Variants in EML4 observed in about 807,000 individuals in gnomAD.
EML4 encodes the protein echinoderm microtubule-associated protein-like 4.
A neutral mutation model predicts 129.0 loss-of-function variants in EML4; 72 were observed. The observed-to-expected ratio is 0.56, with a 90% CI of 0.46 to 0.68. The LOEUF (loss-of-function observed/expected upper bound fraction) is 0.68. Among genes scored for constraint, EML4 ranks in the 30% least tolerant of loss-of-function variants. The pLI is 0.00. For synonymous variants in EML4, 532 were observed against 405.0 expected (o/e 1.31, Z -3.77); for missense variants, 1,363 against 1,190.6 (o/e 1.14, Z -2.13).
At chr2:42,218,247 T>G (rs1396275547) in intron 1 of EML4, among the ~76,000 whole-genome samples, 3 of 152,074 alleles carry the variant, frequency 2.0e-5, no homozygotes, top group African/African-American at 4.8e-5. Flanking sequence ...TCACTCCTTA[T>G]GAGAATCTAA....
At chr2:42,196,077 T>C (rs1224266037) in intron 1 of EML4, among the ~76,000 whole-genome samples, 1 of 152,342 alleles carries the variant, frequency 6.6e-6, no homozygotes, top group Admixed American at 6.5e-5. Context: ...ACTGAGAATT[T>C]TGGAATCAGA....
intron 1 of EML4, among the ~76,000 whole-genome samples, chr2:42,179,860 C>T (rs1268362292): frequency 1.3e-5 from 2 of 152,148 alleles, no homozygotes; most frequent in Non-Finnish European, 2.9e-5. Context: ...CCTAGCCTCC[C>T]AAAGTGCTGG....
chr2:42,199,533 A>T (rs138235487), intron 1 of EML4, among the ~76,000 whole-genome samples: 4 of 152,330 alleles, frequency 2.6e-5, no homozygotes, highest in African/African-American at 9.6e-5. Flanking sequence ...AGAAGACAGG[A>T]CAATGCTGTT....
intron 8 of EML4, 101 bp downstream of exon 8, chr2:42,283,073 C>G: frequency 1.8e-6 from 2 of 1,138,552 alleles, no homozygotes; most frequent in Non-Finnish European, 2.5e-6. Flanking sequence ...GTGGAAAGCT[C>G]AGAATGTAAA....
intron 19 of EML4, among the ~76,000 whole-genome samples, chr2:42,323,230 G>C (rs574242020): frequency 6.6e-6 from 1 of 152,080 alleles, no homozygotes; most frequent in Non-Finnish European, 1.5e-5. Context: ...TTTAATTTCA[G>C]AAGCATGGCT....
At chr2:42,171,638 G>T (rs1670286724) in intron 1 of EML4, among the ~76,000 whole-genome samples, 2 of 152,328 alleles carry the variant, frequency 1.3e-5, no homozygotes, top group South Asian at 4.1e-4. Flanking sequence ...CATGCTTTGG[G>T]TGGTATGTGA....
Position 42,169,591 on chromosome 2 carries a change from G to A in EML4, c.-21G>A. 6.3e-7 allele frequency: 1 copy of A among 1,599,658 alleles called. No individual in the cohort carries two copies. The highest frequency in any genetic ancestry group is 8.5e-7 in the Non-Finnish European group (1 of 1,174,944). ...AAGTGCCCGCCCCTCTAAGCCCGGA[G>A]CCCGGCGCTTTCCCCGCAAGATGGA... is the stretch of plus-strand genomic sequence containing the variant. On this transcript the variant is annotated 5_prime_UTR_variant, in exon 1 of 23. Coordinates refer to ENST00000318522, the MANE Select transcript of EML4 (RefSeq NM_019063.5).
rs545493088 is a variant in EML4 at position 42,199,132 on chromosome 2, G to A, written c.25+29496G>A. ...ATGAAGCTAAAGGGTGAAGTGTGATGGGGAATAGGAGTGAAAGAGACAAAG... is the reference window on the plus strand; with the variant it reads ...ATGAAGCTAAAGGGTGAAGTGTGATAGGGAATAGGAGTGAAAGAGACAAAG... On this transcript the variant is annotated intron_variant, in intron 1 of 22. Coordinates refer to ENST00000318522, the MANE Select transcript of EML4 (RefSeq NM_019063.5). Among the ~76,000 whole-genome samples, 18 of 152,284 alleles carry A rather than the reference G, an allele frequency of 1.2e-4. No homozygotes were observed. The South Asian group carries it at 2.7e-3, about 23-fold the overall frequency.
intron 8 of EML4, 43 bp downstream of exon 8, chr2:42,283,015 C>G: frequency 5.9e-6 from 9 of 1,516,794 alleles, no homozygotes; most frequent in Non-Finnish European, 7.1e-6. Context: ...TCTTTCAGGC[C>G]CTCATTTTGT....
intron 9 of EML4, among the ~76,000 whole-genome samples, chr2:42,285,176 T>TA (rs1162883195): frequency 5.3e-5 from 8 of 152,230 alleles, no homozygotes; most frequent in African/African-American, 1.9e-4. Context: ...CTTGAGTGAG[T>TA]AGCTGGACTA....
chr2:42,280,743 G>C (rs1666957602), intron 6 of EML4, 107 bp from the exon 7 acceptor site: 5 of 808,158 alleles, frequency 6.2e-6, no homozygotes, highest in Non-Finnish European at 9.5e-6. Context: ...CTAAAACTTT[G>C]AAGTAGTCAT....
At chr2:42,189,611 C>T (rs577137398) in intron 1 of EML4, among the ~76,000 whole-genome samples, 15 of 152,280 alleles carry the variant, frequency 9.9e-5, no homozygotes, top group Admixed American at 2.6e-4. Flanking sequence ...CTTTCAAAAA[C>T]ATGATCTCCT....
At chr2:42,201,951 T>G (rs911363789) in intron 1 of EML4, among the ~76,000 whole-genome samples, 4 of 151,990 alleles carry the variant, frequency 2.6e-5, no homozygotes. Context: ...GGTGTGGTGC[T>G]GCGCACCTGT....
intron 1 of EML4, among the ~76,000 whole-genome samples, chr2:42,206,743 C>T (rs1672571447): frequency 6.6e-6 from 1 of 152,096 alleles, no homozygotes; most frequent in South Asian, 2.1e-4. Context: ...GATGTGTTCT[C>T]AGTGCATCAT....
At chr2:42,328,380 A>G (rs1488050021) in intron 21 of EML4, among the ~76,000 whole-genome samples, 1 of 152,254 alleles carries the variant, frequency 6.6e-6, no homozygotes, top group African/African-American at 2.4e-5. Flanking sequence ...TACATGGGAT[A>G]GCATGCTAAA....
rs775413225 is a variant in EML4 at position 42,329,879 on chromosome 2, ATGAG to A, written c.2619_2622del (p.Asn873LysfsTer3). 4.8e-5 allele frequency: 78 copies of A among 1,614,006 alleles called. No homozygotes were observed. Among genetic ancestry groups the A allele is most frequent in the Non-Finnish European group, 6.4e-5 (75 of 1,180,032 alleles). ...GTGGAAAAGTTATCTTTGCCTCAGA[ATGAG>A]ACTGTAGCGGATACTACTCTAACCA... On this transcript the variant is annotated frameshift_variant, in exon 23 of 23. Transcript: ENST00000318522. LOFTEE classifies it high-confidence loss of function.
chr2:42,307,597 C>G (rs1478347742), intron 17 of EML4, among the ~76,000 whole-genome samples: 1 of 152,188 alleles, frequency 6.6e-6, no homozygotes. Flanking sequence ...CTATTACTAT[C>G]ACTGACCCTA....
intron 9 of EML4, 144 bp downstream of exon 9, chr2:42,284,847 A>G (rs1667200857): frequency 5.7e-6 from 3 of 525,698 alleles, no homozygotes; most frequent in Admixed American, 4.0e-5. Flanking sequence ...TGGAAAAAAC[A>G]TTAGGATATA....
intron 1 of EML4, among the ~76,000 whole-genome samples, chr2:42,171,510 A>G (rs1410627484): frequency 2.0e-5 from 3 of 152,218 alleles, no homozygotes; most frequent in African/African-American, 7.2e-5. Context: ...TAACCAGTTT[A>G]TGAGGCAAGT....
Sources: gnomAD v4.1 joint callset for allele counts (sites outside exome capture counted in the v4.1 genomes callset) on GRCh38, gnomAD v4.1.1 for gene constraint, MANE v1.5 for transcripts, NCBI Gene and HGNC (gene_info 2026-07-23, HGNC 2026-07-21) for gene names.